Variants in UBTD1 observed in about 807,000 individuals in gnomAD.
UBTD1 encodes ubiquitin domain containing 1, also known as ubiquitin domain-containing protein 1.
A neutral mutation model predicts 21.7 loss-of-function variants in UBTD1; 19 were observed. That is an observed-to-expected ratio of 0.87 (90% CI 0.61 to 1.28). The LOEUF (loss-of-function observed/expected upper bound fraction) is 1.28, where lower values mean the gene tolerates loss of function less well. Among genes scored for constraint, UBTD1 ranks in the 50% most tolerant of loss-of-function variants. The probability of loss-of-function intolerance (pLI) is 0.00; values close to 1 mark genes in which losing one functional copy is unlikely to be tolerated. For missense variants in UBTD1, 282 were observed against 315.1 expected, an observed-to-expected ratio of 0.89 and a Z score of 0.80; for synonymous variants, 116 against 135.1, an observed-to-expected ratio of 0.86 and a Z score of 0.98.
chr10:97,504,088 C>A (rs1337012981), intron 1 of UBTD1, among the ~76,000 whole-genome samples: 1 of 152,054 alleles, frequency 6.6e-6, no homozygotes, highest in East Asian at 1.9e-4. Flanking sequence ...TGACTTCTCC[C>A]TTTCTCTCAC....
At chr10:97,512,711 G>A (rs2040427879) in intron 1 of UBTD1, among the ~76,000 whole-genome samples, 1 of 152,212 alleles carries the variant, frequency 6.6e-6, no homozygotes, top group Admixed American at 6.5e-5. Flanking sequence ...GGAAGATTCA[G>A]GGCCTAGATG....
At chr10:97,547,184 C>T (rs753373077) in intron 1 of UBTD1, among the ~76,000 whole-genome samples, 4 of 152,202 alleles carry the variant, frequency 2.6e-5, no homozygotes, top group Non-Finnish European at 5.9e-5. Context: ...CTTCTAGGCA[C>T]CTGGCTGCCG....
intron 1 of UBTD1, among the ~76,000 whole-genome samples, chr10:97,566,785 T>C (rs953675350): frequency 3.9e-5 from 6 of 152,170 alleles, no homozygotes; most frequent in Non-Finnish European, 7.3e-5. Context: ...ACCTGAGTTA[T>C]AGTGGAAGCA....
chr10:97,515,152 T>C (rs1362159389), intron 1 of UBTD1, among the ~76,000 whole-genome samples: 2 of 152,222 alleles, frequency 1.3e-5, no homozygotes, highest in Non-Finnish European at 2.9e-5. Flanking sequence ...GGCCTGCATG[T>C]TGAAGGGCTG....
rs763654134 is a variant in UBTD1 at position 97,568,056 on chromosome 10, C to T, written c.213C>T (p.Leu71=). The change falls in exon 2 of 3, where the codon CTC becomes CTT. Residue 71 remains leucine (L), a synonymous_variant. Coordinates refer to ENST00000370664, the MANE Select transcript of UBTD1 (RefSeq NM_024954.5). ...FEGRKEIWDA[L]KAAAYAAEAN... is the part of the protein sequence containing the mutation. The stretch of plus-strand genomic sequence containing the variant: ...GCCGCAAGGAGATCTGGGATGCCCT[C>T]AAGGCTGCCGCCTATGCTGCTGAAG... The T allele has an allele frequency of 6.2e-7, 1 of 1,613,800 alleles. No homozygotes were observed. Among genetic ancestry groups the T allele is most frequent in the Non-Finnish European group, 8.5e-7 (1 of 1,180,036 alleles).
intron 1 of UBTD1, among the ~76,000 whole-genome samples, chr10:97,547,894 A>C (rs2040618611): frequency 9.8e-6 from 1 of 101,832 alleles, no homozygotes; most frequent in African/African-American, 2.9e-5. Context: ...AATCACAGCA[A>C]CTTTATGAAA....
chr10:97,502,367 T>G (rs919420849), intron 1 of UBTD1, among the ~76,000 whole-genome samples: 1 of 152,190 alleles, frequency 6.6e-6, no homozygotes, highest in Non-Finnish European at 1.5e-5. Flanking sequence ...CTGTGGCTTT[T>G]CCTTTGACAA....
At chr10:97,545,485 C>T (rs905352346) in intron 1 of UBTD1, among the ~76,000 whole-genome samples, 1 of 151,356 alleles carries the variant, frequency 6.6e-6, no homozygotes, top group Non-Finnish European at 1.5e-5. Context: ...GGTGCTAGGA[C>T]ATCGCCTGGG....
Position 97,570,077 on chromosome 10 carries a change from A to G in UBTD1, c.299-61A>G. 1 of 1,533,768 alleles carries G rather than the reference A, an allele frequency of 6.5e-7. No homozygotes were observed. The highest frequency in any genetic ancestry group is 8.8e-7 in the Non-Finnish European group (1 of 1,140,136). On this transcript the variant is annotated intron_variant, in intron 2 of 2. Coordinates refer to ENST00000370664, the MANE Select transcript of UBTD1 (RefSeq NM_024954.5). The surrounding 1 kb of genome is among the most constrained non-coding windows in gnomAD (Gnocchi z 6.6). ...CACCATATGAATTTGGGGGGACCCA[A>G]ACATTTAATCCATGATAGTGGATCC...
chr10:97,554,413 A>C (rs138555728), intron 1 of UBTD1, among the ~76,000 whole-genome samples: 1,632 of 151,764 alleles, frequency 0.011, 22 homozygotes, highest in African/African-American at 0.028. Flanking sequence ...CTCCCAGATA[A>C]TTTTTGTATT....
chr10:97,551,084 C>T (rs1038239123), intron 1 of UBTD1, among the ~76,000 whole-genome samples: 1 of 152,200 alleles, frequency 6.6e-6, no homozygotes, highest in Non-Finnish European at 1.5e-5. Flanking sequence ...GTACATACCC[C>T]AGCCCAGCCC....
intron 1 of UBTD1, among the ~76,000 whole-genome samples, chr10:97,522,835 G>C (rs747239965): frequency 7.2e-5 from 11 of 152,214 alleles, no homozygotes; most frequent in Non-Finnish European, 1.2e-4. Flanking sequence ...GAGGGAGCCA[G>C]GGTGTGATGG....
intron 1 of UBTD1, among the ~76,000 whole-genome samples, chr10:97,525,225 T>C (rs1328449462): frequency 6.6e-6 from 1 of 152,164 alleles, no homozygotes; most frequent in African/African-American, 2.4e-5. Context: ...ACTCACAGTG[T>C]AGTCTGGAGA....
chr10:97,524,855 G>A (rs998144360), intron 1 of UBTD1, among the ~76,000 whole-genome samples: 7 of 152,194 alleles, frequency 4.6e-5, no homozygotes, highest in African/African-American at 1.7e-4. Context: ...GGGGAAGAAA[G>A]GGTGGAGGAG....
At chr10:97,530,854 A>AT (rs2040525796) in intron 1 of UBTD1, among the ~76,000 whole-genome samples, 1 of 151,812 alleles carries the variant, frequency 6.6e-6, no homozygotes, top group Admixed American at 6.6e-5. Flanking sequence ...TGTTTTTATT[A>AT]TATAATTTTT....
At chr10:97,554,474 T>C (rs1054062360) in intron 1 of UBTD1, among the ~76,000 whole-genome samples, 6 of 152,140 alleles carry the variant, frequency 3.9e-5, no homozygotes, top group African/African-American at 1.4e-4. Flanking sequence ...CTCGAACTCC[T>C]GGACTCAAGC....
intron 1 of UBTD1, among the ~76,000 whole-genome samples, chr10:97,530,569 A>G (rs1294870671): frequency 2.6e-5 from 4 of 152,296 alleles, no homozygotes; most frequent in Admixed American, 2.0e-4. Flanking sequence ...TATTTTCTTT[A>G]TGTCCTGAGT....
chr10:97,551,792 A>C (rs2040638666), intron 1 of UBTD1, among the ~76,000 whole-genome samples: 2 of 152,226 alleles, frequency 1.3e-5, no homozygotes, highest in Admixed American at 1.3e-4. Flanking sequence ...TATTATTCTT[A>C]TTATTAAAGT....
intron 1 of UBTD1, among the ~76,000 whole-genome samples, chr10:97,564,403 G>T (rs968993503): frequency 6.6e-6 from 1 of 152,078 alleles, no homozygotes; most frequent in Non-Finnish European, 1.5e-5. Context: ...ACAGAATCCC[G>T]TTCCCTTTCC....
Sources: allele counts gnomAD v4.1 joint callset (sites outside exome capture counted in the v4.1 genomes callset), GRCh38; gene constraint gnomAD v4.1.1; non-coding constraint Gnocchi (gnomAD v3.1); transcripts MANE v1.5; gene names NCBI Gene and HGNC (gene_info 2026-07-23, HGNC 2026-07-21).